Variants in MID2 observed in about 807,000 individuals in gnomAD.
The protein encoded by MID2 is probable E3 ubiquitin-protein ligase MID2.
In MID2, 13 loss-of-function variants were observed where a neutral mutation model predicts 46.1. The ratio of observed to expected loss-of-function variants is 0.28; its 90% CI spans 0.18 to 0.45. The LOEUF is 0.45. MID2 is among the 20% of genes least tolerant of loss of function. MID2 has a pLI of 1.00. For missense variants in MID2, 431 were observed against 575.4 expected, an observed-to-expected ratio of 0.75 and a Z score of 2.57; for synonymous variants, 199 against 212.3, an observed-to-expected ratio of 0.94 and a Z score of 0.55.
At position 107,841,103 on chromosome X, in the gene MID2, G is replaced by A. The variant is rs371952195; in HGVS notation, c.438G>A (p.Pro146=). The A allele has an allele frequency of 4.4e-5, 53 of 1,209,090 alleles. No individual in the cohort carries two copies. The African/African-American group carries it at 5.3e-4, about 12-fold the overall frequency. The stretch of plus-strand genomic sequence containing the variant: ...CTTGCCAATTCTGTGAGCAGGACCC[G>A]CCAAGGGATGCAGTAAAAACATGCA... ...RIACQFCEQD[P]PRDAVKTCIT... is the part of the protein sequence containing the mutation. The change falls in exon 2 of 10, where the codon CCG becomes CCA. Residue 146 remains proline (P), a synonymous_variant. Coordinates refer to ENST00000262843, the MANE Select transcript of MID2 (RefSeq NM_012216.4).
chrX:107,884,385 C>T (rs1205250687), intron 3 of MID2, among the ~76,000 whole-genome samples: 2 of 112,391 alleles, frequency 1.8e-5, no homozygotes, highest in Non-Finnish European at 3.8e-5. Flanking sequence ...AGACCTTTGT[C>T]TCTGTTATCT....
At chrX:107,836,410 C>T (rs992847243) in intron 1 of MID2, among the ~76,000 whole-genome samples, 33 of 111,192 alleles carry the variant, frequency 3.0e-4, no homozygotes, top group African/African-American at 1.0e-3. Flanking sequence ...TGCGCCACTA[C>T]GCCTGCTAAT....
intron 1 of MID2, among the ~76,000 whole-genome samples, chrX:107,839,433 A>C (rs1259716705): frequency 3.1e-4 from 33 of 105,115 alleles, no homozygotes; most frequent in African/African-American, 1.1e-3. Context: ...GTGCAGTGGC[A>C]TGATCTCGGC....
intron 2 of MID2, among the ~76,000 whole-genome samples, chrX:107,846,994 A>C (rs1388254577): frequency 1.8e-5 from 2 of 112,093 alleles, no homozygotes; most frequent in African/African-American, 6.5e-5. Flanking sequence ...GGAAACAAGA[A>C]TTACTGAACA....
chrX:107,926,034 G>A, intron 8 of MID2, 60 bp from the exon 9 acceptor site: 2 of 906,750 alleles, frequency 2.2e-6, no homozygotes, highest in Non-Finnish European at 3.1e-6. Flanking sequence ...GGTGGAAAAG[G>A]TAGAATTTTA....
In MID2 at chrX:107,926,924, G is replaced by A. The variant is rs1175677919; in HGVS notation, c.2059G>A (p.Val687Ile). The A allele has an allele frequency of 1.7e-6, 2 of 1,209,676 alleles. No individual in the cohort carries two copies. Residue 687 changes from valine (V) to isoleucine (I), a missense_variant, in exon 10 of 10, where the codon GTT becomes ATT. Physicochemically the swap from Val to Ile is conservative, Grantham distance 29. Coordinates refer to ENST00000262843, the MANE Select transcript of MID2 (RefSeq NM_012216.4). ...TTTTGATGTGACCTTCATTCTTCCA[G>A]TTTGTCCAACATTTACAATCTGGAA... ...HTFDVTFILP[V>I]CPTFTIWNKS...
chrX:107,914,945 C>T (rs1415300209), intron 5 of MID2, among the ~76,000 whole-genome samples: 4 of 111,854 alleles, frequency 3.6e-5, no homozygotes, highest in African/African-American at 1.3e-4. Flanking sequence ...CTTTCTCATT[C>T]GCAAAATGGA....
At chrX:107,852,673 T>C (rs759041027) in intron 2 of MID2, among the ~76,000 whole-genome samples, 3 of 111,777 alleles carry the variant, frequency 2.7e-5, no homozygotes, top group Non-Finnish European at 5.6e-5. Flanking sequence ...TGAGAAAATG[T>C]GAAATCACAC....
chrX:107,926,815 C>A lies in MID2; in HGVS notation c.1950C>A (p.His650Gln), dbSNP rs1933188582. 9 of 1,211,515 alleles carry A rather than the reference C, an allele frequency of 7.4e-6. No individual in the cohort carries two copies. The highest frequency in any genetic ancestry group is 1.0e-5 in the Non-Finnish European group (9 of 895,322). ...NKEMLVDVPP[H>Q]LKRLGVLLDY... ...AAATGCTGGTGGATGTGCCCCCACACCTGAAGCGTCTGGGTGTCCTCCTGG... is the reference window on the plus strand; with the variant it reads ...AAATGCTGGTGGATGTGCCCCCACAACTGAAGCGTCTGGGTGTCCTCCTGG... The change falls in exon 10 of 10, where the codon CAC (histidine) becomes CAA (glutamine). Residue 650 changes from histidine (H) to glutamine (Q), a missense_variant. Physicochemically the swap from His to Gln is conservative, Grantham distance 24. Transcript: ENST00000262843.
In MID2 at chrX:107,835,201, T is replaced by G. The variant is rs151227115; in HGVS notation, c.5-5469T>G. On this transcript the variant is annotated intron_variant, in intron 1 of 9. Transcript: ENST00000262843. ...AAGATCATCCATGTTGAAGTATGTA[T>G]CAGAACTTCATTCCTTTTTATAGCC... 8.7e-3 allele frequency among the ~76,000 whole-genome samples: 976 copies of G among 112,501 alleles called. 41 individuals are homozygous for G. Among genetic ancestry groups the G allele is most frequent in the Admixed American group, 0.084 (896 of 10,606 alleles).
At chrX:107,858,569 G>A (rs1028108316) in intron 3 of MID2, among the ~76,000 whole-genome samples, 2 of 112,295 alleles carry the variant, frequency 1.8e-5, no homozygotes, top group African/African-American at 6.5e-5. Flanking sequence ...GTACTCTGTG[G>A]TGGGCGATTT....
chrX:107,919,351 G>T (rs1047309545), intron 7 of MID2, among the ~76,000 whole-genome samples: 1 of 111,084 alleles, frequency 9.0e-6, no homozygotes, highest in Admixed American at 9.6e-5. Flanking sequence ...ACAGAGCTAC[G>T]AAATGAGGGA....
At position 107,901,931 on chromosome X, in the gene MID2, G is replaced by A. The variant is rs141148185; in HGVS notation, c.817-2027G>A. On this transcript the variant is annotated intron_variant, in intron 3 of 9. Coordinates refer to ENST00000262843, the MANE Select transcript of MID2 (RefSeq NM_012216.4). ...GAGTCTGAAGTGACTAATGAGAAAC[G>A]GATGACAGAATAAAGATGGATGATT... 2.7e-3 allele frequency among the ~76,000 whole-genome samples: 304 copies of A among 111,827 alleles called. 1 individual carries two copies. Among genetic ancestry groups the A allele is most frequent in the African/African-American group, 9.6e-3 (296 of 30,805 alleles).
chrX:107,918,894 A>G (rs1933019565), intron 7 of MID2, among the ~76,000 whole-genome samples: 1 of 112,271 alleles, frequency 8.9e-6, no homozygotes, highest in African/African-American at 3.2e-5. Context: ...TCTGTTTTCA[A>G]GGTTATATAG....
At chrX:107,874,306 G>T (rs1274534925) in intron 3 of MID2, among the ~76,000 whole-genome samples, 1 of 111,776 alleles carries the variant, frequency 8.9e-6, no homozygotes, top group Non-Finnish European at 1.9e-5. Flanking sequence ...GGAGGCAGTT[G>T]TCTGTTAGCC....
Position 107,926,710 on chromosome X carries a change from T to G in MID2, c.1845T>G (p.Asn615Lys). The G allele has an allele frequency of 8.3e-7, 1 of 1,210,906 alleles. No homozygotes were observed. The highest frequency in any genetic ancestry group is 1.1e-6 in the Non-Finnish European group (1 of 894,832). The change falls in exon 10 of 10, where the codon AAT becomes AAG. Residue 615 changes from asparagine to lysine, a missense_variant. By Grantham distance (94) the Asn-to-Lys change is moderately conservative. Coordinates refer to ENST00000262843, the MANE Select transcript of MID2 (RefSeq NM_012216.4). ...IGIAYKSAPK[N>K]EWIGKNASSW... Reference sequence around the variant, plus strand: ...TTGCCTACAAATCAGCTCCAAAGAATGAATGGATTGGCAAGAATGCCTCCT... The same window carrying G: ...TTGCCTACAAATCAGCTCCAAAGAAGGAATGGATTGGCAAGAATGCCTCCT...
intron 3 of MID2, among the ~76,000 whole-genome samples, chrX:107,898,820 T>C (rs1450514523): frequency 1.8e-5 from 2 of 112,212 alleles, no homozygotes; most frequent in Non-Finnish European, 3.8e-5. Flanking sequence ...GCAGAAGATT[T>C]CAGAGAATAA....
In MID2 at chrX:107,879,868, G is replaced by A. The variant is rs764649279; in HGVS notation, c.817-24090G>A. The stretch of plus-strand genomic sequence containing the variant: ...TTTTAAATGCTCCATGAATATAAGG[G>A]AAGAATGTATTATTCTGTATGATGC... On this transcript the variant is annotated intron_variant, in intron 3 of 9. Transcript: ENST00000262843. Among the ~76,000 whole-genome samples the A allele has an allele frequency of 2.2e-3, 242 of 110,556 alleles. 1 individual carries two copies. Among genetic ancestry groups the A allele is most frequent in the Non-Finnish European group, 4.0e-3 (210 of 52,907 alleles).
Position 107,916,716 on chromosome X carries a change from C to T in MID2, c.1201+587C>T, listed in dbSNP as rs762498076. Among the ~76,000 whole-genome samples the T allele has an allele frequency of 8.9e-5, 10 of 112,727 alleles. No individual in the cohort carries two copies. In the South Asian group the frequency reaches 2.2e-3, roughly 24 times the overall value. On this transcript the variant is annotated intron_variant, in intron 6 of 9. Transcript: ENST00000262843. Reference sequence around the variant, plus strand: ...TATTAAATAGCTGCTCCTTATTGAACATCTACTTTATTCTAGACACTGTAT... The same window carrying T: ...TATTAAATAGCTGCTCCTTATTGAATATCTACTTTATTCTAGACACTGTAT...
Sources: gnomAD v4.1 joint callset for allele counts (sites outside exome capture counted in the v4.1 genomes callset) on GRCh38, gnomAD v4.1.1 for gene constraint, MANE v1.5 for transcripts, NCBI Gene and HGNC (gene_info 2026-07-23, HGNC 2026-07-21) for gene names.